PTPN1: variants seen among roughly 807,000 people sequenced by gnomAD.
PTPN1 encodes protein tyrosine phosphatase non-receptor type 1.
PTPN1 carries 12 observed loss-of-function variants against 59.9 expected under a neutral mutation model. The observed-to-expected ratio is 0.20, with a 90% CI of 0.13 to 0.32. PTPN1 has a LOEUF of 0.32. PTPN1 is among the 10% of genes least tolerant of loss of function. The probability of loss-of-function intolerance (pLI) is 1.00; values close to 1 mark genes in which losing one functional copy is unlikely to be tolerated. For synonymous variants in PTPN1, 178 were observed against 203.6 expected (o/e 0.87, Z 1.07); for missense variants, 356 against 549.2 (o/e 0.65, Z 3.52).
intron 7 of PTPN1, 43 bp from the exon 8 acceptor site, chr20:50,579,660 C>A: frequency 6.5e-7 from 1 of 1,550,014 alleles, no homozygotes; most frequent in Non-Finnish European, 8.9e-7. Flanking sequence ...ACAAACCAGC[C>A]GAAGTGAACA....
intron 1 of PTPN1, among the ~76,000 whole-genome samples, chr20:50,511,015 C>T (rs933601110): frequency 7.9e-5 from 12 of 152,052 alleles, no homozygotes; most frequent in Non-Finnish European, 1.5e-4. Context: ...AAAGGTTACT[C>T]CCCCCGTCCC....
intron 1 of PTPN1, among the ~76,000 whole-genome samples, chr20:50,513,213 T>A (rs1340992757): frequency 6.6e-6 from 1 of 152,238 alleles, no homozygotes; most frequent in Non-Finnish European, 1.5e-5. Context: ...ATAGCATAGA[T>A]GCTAATAAGC....
intron 1 of PTPN1, among the ~76,000 whole-genome samples, chr20:50,514,426 T>C (rs961506933): frequency 2.0e-5 from 3 of 152,238 alleles, no homozygotes; most frequent in Admixed American, 6.5e-5. Context: ...CGGCCTTTTG[T>C]TGTGTGATTC....
Position 50,561,439 on chromosome 20 carries a change from G to A in PTPN1, c.140G>A (p.Arg47Lys), listed in dbSNP as rs753192131. 8 of 1,609,150 alleles carry A rather than the reference G, an allele frequency of 5.0e-6. No homozygotes were observed. The highest frequency in any genetic ancestry group is 5.1e-6 in the Non-Finnish European group (6 of 1,175,792). The part of the protein sequence containing the change: ...LPKNKNRNRY[R>K]DVSPFDHSRI... The stretch of plus-strand genomic sequence containing the variant: ...AAGAACAAAAACCGAAATAGGTACA[G>A]AGACGTCAGTCCCTGTAAGTATCCA... The change falls in exon 2 of 10, where the codon AGA becomes AAA. Residue 47 changes from arginine to lysine, a missense_variant. This residue lies in a region of PTPN1 where 194 missense variants were observed against 344.2 expected (regional missense o/e 0.56). Coordinates refer to ENST00000371621, the MANE Select transcript of PTPN1 (RefSeq NM_002827.4).
At chr20:50,535,858 G>A (rs2082622101) in intron 1 of PTPN1, among the ~76,000 whole-genome samples, 1 of 152,002 alleles carries the variant, frequency 6.6e-6, no homozygotes, top group African/African-American at 2.4e-5. Flanking sequence ...TAAACCATAT[G>A]TACTGGTCCC....
chr20:50,523,522 T>C (rs1019327731), intron 1 of PTPN1, among the ~76,000 whole-genome samples: 4 of 152,246 alleles, frequency 2.6e-5, no homozygotes, highest in African/African-American at 9.6e-5. Flanking sequence ...CATTTGCTTT[T>C]CTCGTCTAGA....
chr20:50,530,175 ATTTTTTTTTTTT>A (rs781236833), intron 1 of PTPN1, among the ~76,000 whole-genome samples: 46 of 121,090 alleles, frequency 3.8e-4, no homozygotes, highest in Non-Finnish European at 5.2e-4. Flanking sequence ...TGCCTGGCTG[ATTTTTTTTTTTT>A]TTTTTTTTTT....
intron 1 of PTPN1, among the ~76,000 whole-genome samples, chr20:50,553,834 A>G (rs747195425): frequency 1.3e-5 from 2 of 152,192 alleles, no homozygotes; most frequent in African/African-American, 2.4e-5. Flanking sequence ...GAAAAATACA[A>G]TATCTGAAAT....
intron 1 of PTPN1, among the ~76,000 whole-genome samples, chr20:50,528,451 T>A (rs971802267): frequency 1.3e-5 from 2 of 152,120 alleles, no homozygotes; most frequent in African/African-American, 4.8e-5. Context: ...CAGTGGCTCA[T>A]ACCTGTAATC....
chr20:50,561,086 C>T (rs1473375343), intron 1 of PTPN1, among the ~76,000 whole-genome samples: 1 of 152,144 alleles, frequency 6.6e-6, no homozygotes, highest in African/African-American at 2.4e-5. Context: ...ATCTCCAGCC[C>T]CCATGCCTTT....
chr20:50,524,240 A>C (rs974874066), intron 1 of PTPN1, among the ~76,000 whole-genome samples: 5 of 152,116 alleles, frequency 3.3e-5, no homozygotes, highest in Non-Finnish European at 7.4e-5. Context: ...TATTTGTTTC[A>C]TTGTAAATTT....
chr20:50,528,663 G>A (rs1034221381), intron 1 of PTPN1, among the ~76,000 whole-genome samples: 10 of 146,178 alleles, frequency 6.8e-5, no homozygotes, highest in African/African-American at 2.3e-4. Flanking sequence ...GCAGTGAGCT[G>A]AGATCACTCC....
At chr20:50,533,695 C>CCCT (rs1568779076) in intron 1 of PTPN1, among the ~76,000 whole-genome samples, 1 of 152,038 alleles carries the variant, frequency 6.6e-6, no homozygotes, top group Non-Finnish European at 1.5e-5. Flanking sequence ...CCCTTGCCCC[C>CCCT]CCCCAGAAAG....
intron 1 of PTPN1, among the ~76,000 whole-genome samples, chr20:50,527,937 T>C (rs1246632048): frequency 6.6e-6 from 1 of 152,196 alleles, no homozygotes; most frequent in Admixed American, 6.5e-5. Flanking sequence ...TTTTGTTCTT[T>C]TTGAGCCATC....
chr20:50,574,341 C>T (rs879172341), intron 4 of PTPN1, 176 bp from the exon 5 acceptor site: 18 of 609,910 alleles, frequency 3.0e-5, no homozygotes, highest in South Asian at 1.8e-4. Flanking sequence ...TCAGCAGCTT[C>T]GTGCCCCCAC....
At chr20:50,546,378 C>T (rs2082676268) in intron 1 of PTPN1, among the ~76,000 whole-genome samples, 1 of 152,268 alleles carries the variant, frequency 6.6e-6, no homozygotes, top group East Asian at 1.9e-4. Flanking sequence ...TTGCCTGCTT[C>T]CTCTCTTCCC....
chr20:50,560,999 C>T (rs1372054478), intron 1 of PTPN1, among the ~76,000 whole-genome samples: 1 of 152,142 alleles, frequency 6.6e-6, no homozygotes, highest in Non-Finnish European at 1.5e-5. Context: ...TCTCTGAGAT[C>T]TGGGCTACCC....
At chr20:50,539,075 G>C (rs896002613) in intron 1 of PTPN1, among the ~76,000 whole-genome samples, 5 of 104,228 alleles carry the variant, frequency 4.8e-5, no homozygotes, top group African/African-American at 1.9e-4. Flanking sequence ...CGCTCTTGTT[G>C]CCCAGGCTGG....
chr20:50,555,650 T>C (rs1174209247), intron 1 of PTPN1, among the ~76,000 whole-genome samples: 4 of 152,264 alleles, frequency 2.6e-5, no homozygotes, highest in African/African-American at 9.6e-5. Flanking sequence ...TTTTAAAAAG[T>C]ATTATGTAGA....
Sources: gnomAD v4.1 joint callset for allele counts (sites outside exome capture counted in the v4.1 genomes callset) on GRCh38, gnomAD v4.1.1 for gene constraint, gnomAD v4.1.1 regional missense constraint, MANE v1.5 for transcripts, NCBI Gene and HGNC (gene_info 2026-07-23, HGNC 2026-07-21) for gene names.